DZIP1L: variants seen among roughly 807,000 people sequenced by gnomAD.
The protein encoded by DZIP1L is cilium assembly protein DZIP1L.
A neutral mutation model predicts 88.7 loss-of-function variants in DZIP1L; 90 were observed. That is an observed-to-expected ratio of 1.02 (90% CI 0.86 to 1.21). The LOEUF (loss-of-function observed/expected upper bound fraction) is 1.21, where lower values mean the gene tolerates loss of function less well. Ranked by LOEUF, DZIP1L falls within the 50% of genes most tolerant of loss-of-function variation. The probability of loss-of-function intolerance (pLI) is 0.00; values close to 1 mark genes in which losing one functional copy is unlikely to be tolerated. For synonymous variants in DZIP1L, 363 were observed against 372.1 expected, an observed-to-expected ratio of 0.98 and a Z score of 0.28; for missense variants, 932 against 955.8, an observed-to-expected ratio of 0.98 and a Z score of 0.33.
At chr3:138,096,747 T>C (rs1944485795) in intron 3 of DZIP1L, among the ~76,000 whole-genome samples, 1 of 152,224 alleles carries the variant, frequency 6.6e-6, no homozygotes, top group Non-Finnish European at 1.5e-5. Flanking sequence ...ATACACTAAA[T>C]ACATAGTTTT....
intron 11 of DZIP1L, among the ~76,000 whole-genome samples, chr3:138,072,696 G>A (rs1045116891): frequency 2.6e-5 from 4 of 152,186 alleles, no homozygotes; most frequent in African/African-American, 9.7e-5. Flanking sequence ...CTGGATCACT[G>A]CTGCAGACTC....
chr3:138,105,698 T>A (rs965899449), intron 1 of DZIP1L, among the ~76,000 whole-genome samples: 1 of 152,086 alleles, frequency 6.6e-6, no homozygotes, highest in Non-Finnish European at 1.5e-5. Flanking sequence ...AATCTGTGGA[T>A]GCAGATCCAC....
At position 138,071,695 on chromosome 3, in the gene DZIP1L, C is replaced by T. The variant is rs1449764464; in HGVS notation, c.1563G>A (p.Lys521=). 1.9e-6 allele frequency: 3 copies of T among 1,614,228 alleles called. No homozygotes were observed. Among genetic ancestry groups the T allele is most frequent in the Non-Finnish European group, 2.5e-6 (3 of 1,180,024 alleles). Residue 521 remains lysine (K), a synonymous_variant, in exon 12 of 16, where the codon AAG becomes AAA. Coordinates refer to ENST00000327532, the MANE Select transcript of DZIP1L (RefSeq NM_173543.3). ...KLVKEVTSRA[K]ERQENGAVVS... ...CCACAGCGCCATTCTCCTGTCTCTC[C>T]TTCGCTCTGCTGGTGACTTCCTTGA...
chr3:138,103,227 A>G (rs1361697942), intron 2 of DZIP1L, among the ~76,000 whole-genome samples: 3 of 151,450 alleles, frequency 2.0e-5, no homozygotes, highest in African/African-American at 7.3e-5. Context: ...CTCTCCATAA[A>G]CACGCACACC....
Position 138,084,260 on chromosome 3 carries a change from G to A in DZIP1L, c.1063-7C>T, listed in dbSNP as rs770905061. 1 of 1,612,788 alleles carries A rather than the reference G, an allele frequency of 6.2e-7. No homozygotes were observed. Among genetic ancestry groups the A allele is most frequent in the Non-Finnish European group, 8.5e-7 (1 of 1,179,466 alleles). On this transcript the variant is annotated splice_polypyrimidine_tract_variant and splice_region_variant and intron_variant, in intron 7 of 15. Coordinates refer to ENST00000327532, the MANE Select transcript of DZIP1L (RefSeq NM_173543.3). ...TCTGGTTCTCCTCCTGTAGCTGGCA[G>A]GCACAAGATGGCTGGTCAGTCAAAT...
chr3:138,067,424 G>C (rs979979712), intron 14 of DZIP1L, 107 bp downstream of exon 14: 18 of 1,287,484 alleles, frequency 1.4e-5, no homozygotes, highest in Non-Finnish European at 1.9e-5. Flanking sequence ...TGTCAAATAA[G>C]AAAGCCTAAA....
chr3:138,072,332 A>G (rs1196419171), intron 11 of DZIP1L, among the ~76,000 whole-genome samples: 2 of 152,210 alleles, frequency 1.3e-5, no homozygotes, highest in Non-Finnish European at 2.9e-5. Context: ...CCCAGAGCCC[A>G]TGGGAGGGTC....
At chr3:138,072,548 G>A (rs921697675) in intron 11 of DZIP1L, among the ~76,000 whole-genome samples, 1 of 151,910 alleles carries the variant, frequency 6.6e-6, no homozygotes, top group Non-Finnish European at 1.5e-5. Context: ...TGTAATGCTT[G>A]GCTAATTTAA....
chr3:138,113,374 A>G (rs1381135017), intron 1 of DZIP1L: 3 of 152,192 alleles, frequency 2.0e-5, no homozygotes, highest in Non-Finnish European at 4.4e-5. Flanking sequence ...AACAACAACA[A>G]CATCACCACT....
intron 2 of DZIP1L, among the ~76,000 whole-genome samples, chr3:138,100,357 CCTTGTCCTCT>C (rs1237883528): frequency 2.6e-5 from 4 of 152,218 alleles, no homozygotes; most frequent in Non-Finnish European, 5.9e-5. Context: ...TTCTCCCATA[CCTTGTCCTCT>C]CTTGTCCTCA....
intron 2 of DZIP1L, among the ~76,000 whole-genome samples, chr3:138,101,091 C>G (rs2042291670): frequency 6.6e-6 from 1 of 152,112 alleles, no homozygotes; most frequent in African/African-American, 2.4e-5. Context: ...CACTCACACC[C>G]TCTATAAATA....
intron 11 of DZIP1L, among the ~76,000 whole-genome samples, chr3:138,072,239 T>C (rs1398113518): frequency 6.6e-6 from 1 of 152,222 alleles, no homozygotes; most frequent in African/African-American, 2.4e-5. Flanking sequence ...TGGCTAACAA[T>C]GTTTAAAAAA....
At chr3:138,066,807 A>G (rs1942922557) in intron 14 of DZIP1L, among the ~76,000 whole-genome samples, 1 of 151,804 alleles carries the variant, frequency 6.6e-6, no homozygotes, top group Non-Finnish European at 1.5e-5. Context: ...TCTTCCCCAC[A>G]TACTACCCTC....
At chr3:138,101,435 G>A in intron 2 of DZIP1L, 2 of 721,140 alleles carry the variant, frequency 2.8e-6, no homozygotes, top group Non-Finnish European at 5.0e-6. Flanking sequence ...GGGCTCTGGG[G>A]CAGCCGCAGG....
At position 138,088,498 on chromosome 3, in the gene DZIP1L, C is replaced by T. The variant is rs781110260; in HGVS notation, c.880G>A (p.Ala294Thr). The T allele has an allele frequency of 8.1e-6, 13 of 1,613,098 alleles. No individual in the cohort carries two copies. Among genetic ancestry groups the T allele is most frequent in the Middle Eastern group, 3.3e-4 (2 of 6,042 alleles). ...TCCATCACACTGTGGGACTGCAGTG[C>T]CCGCAGTTTCTGAAAAGGCCAGGGC... ...QNSTLEEKLR[A>T]LQSHSVMESK... The change falls in exon 6 of 16, where the codon GCA becomes ACA. Residue 294 changes from alanine (A) to threonine (T), a missense_variant. Transcript: ENST00000327532.
intron 8 of DZIP1L, among the ~76,000 whole-genome samples, chr3:138,083,905 C>A (rs1178503793): frequency 7.2e-5 from 11 of 152,164 alleles, no homozygotes; most frequent in African/African-American, 2.7e-4. Context: ...CTGCCAGCAG[C>A]CCCTAAGGAG....
rs1944547912 is a variant in DZIP1L, at chr3:138,097,755, G to C, written c.586+8C>G. On this transcript the variant is annotated splice_region_variant and intron_variant, in intron 3 of 15. Transcript: ENST00000327532. ...CCAGAAGGGGCCCGGGCTGCTGTCT[G>C]GACTCACCACCTTCTGCCACGCCTG... is the stretch of plus-strand genomic sequence containing the variant. 6.2e-7 allele frequency: 1 copy of C among 1,607,846 alleles called. No individual in the cohort carries two copies. The highest frequency in any genetic ancestry group is 1.3e-5 in the African/African-American group (1 of 74,876).
chr3:138,077,718 A>G, intron 10 of DZIP1L, 86 bp from the exon 11 acceptor site: 1 of 1,557,688 alleles, frequency 6.4e-7, no homozygotes, highest in Non-Finnish European at 8.7e-7. Context: ...GAGCCCTCAC[A>G]CTGCCAGGAA....
intron 3 of DZIP1L, among the ~76,000 whole-genome samples, chr3:138,095,658 T>C (rs1218505000): frequency 1.3e-5 from 2 of 152,050 alleles, no homozygotes; most frequent in African/African-American, 4.8e-5. Context: ...GGCGGGTGCC[T>C]ATAATCCCAG....
Sources: gnomAD v4.1 joint callset for allele counts (sites outside exome capture counted in the v4.1 genomes callset) on GRCh38, gnomAD v4.1.1 for gene constraint, MANE v1.5 for transcripts, NCBI Gene and HGNC (gene_info 2026-07-23, HGNC 2026-07-21) for gene names.